FGF12: variants seen among roughly 807,000 people sequenced by gnomAD.
The protein encoded by FGF12 is fibroblast growth factor 12.
Under a neutral mutation model 23.6 loss-of-function variants are expected in FGF12, and 14 were observed. The ratio of observed to expected loss-of-function variants is 0.59; its 90% CI spans 0.39 to 0.93. The LOEUF (loss-of-function observed/expected upper bound fraction) is 0.93. FGF12 is among the 40% of genes least tolerant of loss of function. The pLI is 0.00. For synonymous variants in FGF12, 62 were observed against 77.3 expected, an observed-to-expected ratio of 0.80 and a Z score of 1.04; for missense variants, 175 against 217.8, an observed-to-expected ratio of 0.80 and a Z score of 1.24.
Position 192,667,449 on chromosome 3 carries a change from CA to C in FGF12, c.13+59731del, listed in dbSNP as rs572987859. Among the ~76,000 whole-genome samples the C allele has an allele frequency of 4.8e-5, 7 of 145,376 alleles. No homozygotes were observed. In the East Asian group the frequency reaches 8.0e-4, roughly 17 times the overall value. On this transcript the variant is annotated intron_variant, in intron 2 of 5. Transcript: ENST00000445105. ...TGAAACCCTGTCTCTACCAAAAATA[CA>C]AAAAAAAAACTTAGCCAGGCTTGGT...
Position 192,255,242 on chromosome 3 carries a change from G to C in FGF12, c.228+80119C>G, listed in dbSNP as rs574104376. ...GCACATTATAAAACCTCAATAAAAGGTAATTTATTATTAATGTTAGAGAAA... is the reference window on the plus strand; with the variant it reads ...GCACATTATAAAACCTCAATAAAAGCTAATTTATTATTAATGTTAGAGAAA... On this transcript the variant is annotated intron_variant, in intron 4 of 5. Transcript: ENST00000445105. Among the ~76,000 whole-genome samples, 15 of 152,028 alleles carry C rather than the reference G, an allele frequency of 9.9e-5. No homozygotes were observed. The South Asian group carries it at 3.1e-3, about 32-fold the overall frequency.
At chr3:192,609,348 C>T (rs1036645452) in intron 2 of FGF12, among the ~76,000 whole-genome samples, 1 of 152,050 alleles carries the variant, frequency 6.6e-6, no homozygotes, top group African/African-American at 2.4e-5. Flanking sequence ...GACTGCTTCT[C>T]CCACTCTCCA....
chr3:192,691,567 A>G (rs1717944374), intron 2 of FGF12, among the ~76,000 whole-genome samples: 1 of 152,070 alleles, frequency 6.6e-6, no homozygotes, highest in Non-Finnish European at 1.5e-5. Context: ...GCAGCAGTGA[A>G]TGCCTACATT....
chr3:192,391,071 G>C (rs1189179270), intron 2 of FGF12, among the ~76,000 whole-genome samples: 1 of 152,180 alleles, frequency 6.6e-6, no homozygotes, highest in Non-Finnish European at 1.5e-5. Flanking sequence ...CAATAAAAAT[G>C]AGTTTATCCA....
intron 4 of FGF12, among the ~76,000 whole-genome samples, chr3:192,231,644 C>T (rs983724603): frequency 6.6e-6 from 1 of 151,870 alleles, no homozygotes; most frequent in East Asian, 1.9e-4. Context: ...TTGGTGGGTG[C>T]CTGTAATCCC....
chr3:192,309,316 G>C (rs1715815682), intron 4 of FGF12, among the ~76,000 whole-genome samples: 1 of 152,118 alleles, frequency 6.6e-6, no homozygotes, highest in South Asian at 2.1e-4. Context: ...CATCTGCTAT[G>C]GTTTCCTAAG....
At chr3:192,519,332 C>T (rs376555892) in intron 2 of FGF12, among the ~76,000 whole-genome samples, 7 of 152,116 alleles carry the variant, frequency 4.6e-5, no homozygotes, top group African/African-American at 1.7e-4. Flanking sequence ...AAATATTTTG[C>T]GGAATGTCTT....
Position 192,476,035 on chromosome 3 carries a change from C to G in FGF12, c.14-115497G>C, listed in dbSNP as rs534733800. On this transcript the variant is annotated intron_variant, in intron 2 of 5. Transcript: ENST00000445105. The stretch of plus-strand genomic sequence containing the variant: ...AAAGAATGTAACAATCTATGAACTT[C>G]CCAAACCATCATCAAACAGCATAAA... Among the ~76,000 whole-genome samples, 9 of 152,174 alleles carry G rather than the reference C, an allele frequency of 5.9e-5. 1 individual carries two copies. Among genetic ancestry groups the G allele is most frequent in the African/African-American group, 2.2e-4 (9 of 41,520 alleles).
At chr3:192,258,236 T>C (rs1282880654) in intron 4 of FGF12, among the ~76,000 whole-genome samples, 2 of 152,074 alleles carry the variant, frequency 1.3e-5, no homozygotes, top group East Asian at 3.9e-4. Context: ...GGTGGATGGA[T>C]CACTTCAGGC....
At chr3:192,148,935 G>A (rs938576975) in intron 5 of FGF12, among the ~76,000 whole-genome samples, 5 of 152,148 alleles carry the variant, frequency 3.3e-5, no homozygotes, top group Non-Finnish European at 7.3e-5. Flanking sequence ...ATTCAGATGA[G>A]ACATAAGTGC....
chr3:192,623,846 T>C (rs1298261154), intron 2 of FGF12, among the ~76,000 whole-genome samples: 1 of 152,180 alleles, frequency 6.6e-6, no homozygotes, highest in East Asian at 1.9e-4. Context: ...AGCCCTTCTT[T>C]GACAGCCCCT....
At chr3:192,238,968 T>G (rs1326781515) in intron 4 of FGF12, among the ~76,000 whole-genome samples, 1 of 152,222 alleles carries the variant, frequency 6.6e-6, no homozygotes, top group Admixed American at 6.5e-5. Context: ...GTACTCATCT[T>G]GGAAAGTAGA....
chr3:192,591,595 C>G (rs1219336954), intron 2 of FGF12, among the ~76,000 whole-genome samples: 1 of 151,836 alleles, frequency 6.6e-6, no homozygotes, highest in Non-Finnish European at 1.5e-5. Context: ...ACAGTGGGCT[C>G]AGGCTGAAGT....
In FGF12 at chr3:192,345,405, AGGCCGGGCGCGGTGG is replaced by A. The variant is rs1717906750; in HGVS notation, c.125-9956_125-9942del. 5.3e-5 allele frequency among the ~76,000 whole-genome samples: 6 copies of A among 112,960 alleles called. 1 individual carries two copies. Among genetic ancestry groups the A allele is most frequent in the East Asian group, 4.6e-4 (1 of 2,156 alleles). The allele number at this position is 112,960 out of a possible 152,430, so 74.1% of individuals were successfully genotyped here. A position where few individuals can be genotyped will look rare whatever the true frequency, so the allele number is the denominator to read the frequency against. On this transcript the variant is annotated intron_variant, in intron 3 of 5. Coordinates refer to ENST00000445105, the MANE Select transcript of FGF12 (RefSeq NM_004113.6). ...TATTGTTGCTCTTAAGATATAACAT[AGGCCGGGCGCGGTGG>A]CTCACGCCTGTAATCCCAGCACTTT... is the stretch of plus-strand genomic sequence containing the variant.
chr3:192,197,458 T>G (rs920007195), intron 4 of FGF12, among the ~76,000 whole-genome samples: 1 of 152,212 alleles, frequency 6.6e-6, no homozygotes, highest in South Asian at 2.1e-4. Flanking sequence ...ATCTCCTTTT[T>G]TGTCTAGCTT....
rs1181031397 is a variant in FGF12, at chr3:192,140,940, G to C, written c.*3069C>G. On this transcript the variant is annotated 3_prime_UTR_variant, in exon 6 of 6. Transcript: ENST00000445105. Reference sequence around the variant, plus strand: ...TTCTGCGAGCTTAAAAATCAAGTAAGGTGTATTGACCAGAAAGCTATTTTG... The same window carrying C: ...TTCTGCGAGCTTAAAAATCAAGTAACGTGTATTGACCAGAAAGCTATTTTG... The C allele has an allele frequency of 6.6e-6, 1 of 151,598 alleles. No homozygotes were observed. The highest frequency in any genetic ancestry group is 1.5e-5 in the Non-Finnish European group (1 of 67,784). 9.4% of individuals were successfully genotyped at this position (151,598 alleles called of 1,614,324 possible).
intron 2 of FGF12, among the ~76,000 whole-genome samples, chr3:192,368,700 A>T (rs1406626811): frequency 1.3e-5 from 2 of 152,008 alleles, no homozygotes; most frequent in Admixed American, 1.3e-4. Context: ...ATTTAATCTG[A>T]ACAGTATTAG....
At chr3:192,417,106 G>C (rs534919501) in intron 2 of FGF12, among the ~76,000 whole-genome samples, 34 of 152,012 alleles carry the variant, frequency 2.2e-4, no homozygotes, top group Non-Finnish European at 3.4e-4. Context: ...TAAGAGAGGA[G>C]ATTTATTTAA....
intron 2 of FGF12, among the ~76,000 whole-genome samples, chr3:192,429,343 G>T (rs934826482): frequency 6.6e-6 from 1 of 152,114 alleles, no homozygotes. Flanking sequence ...GGAGGAGCTT[G>T]TCCTCTATAC....
Sources: allele counts gnomAD v4.1 joint callset (sites outside exome capture counted in the v4.1 genomes callset), GRCh38; gene constraint gnomAD v4.1.1; transcripts MANE v1.5; gene names NCBI Gene and HGNC (gene_info 2026-07-23, HGNC 2026-07-21).